Variants in CDYL observed in about 807,000 individuals in gnomAD.
The protein encoded by CDYL is chromodomain Y like.
A neutral mutation model predicts 47.3 loss-of-function variants in CDYL; 8 were observed. The ratio of observed to expected loss-of-function variants is 0.17; its 90% CI spans 0.10 to 0.31. The LOEUF (loss-of-function observed/expected upper bound fraction) is 0.31, where lower values mean the gene tolerates loss of function less well. Among genes scored for constraint, CDYL ranks in the 10% least tolerant of loss-of-function variants. The pLI is 1.00. For synonymous variants in CDYL, 266 were observed against 265.0 expected (o/e 1.00, Z -0.04); for missense variants, 471 against 701.4 (o/e 0.67, Z 3.71).
At chr6:4,737,300 A>G (rs1002796001) in intron 3 of CDYL, among the ~76,000 whole-genome samples, 8 of 152,120 alleles carry the variant, frequency 5.3e-5, no homozygotes, top group African/African-American at 1.9e-4. Context: ...ACACACACAA[A>G]AAAAGATGCA....
At chr6:4,857,351 A>G (rs533240084) in intron 1 of CDYL, among the ~76,000 whole-genome samples, 33 of 152,344 alleles carry the variant, frequency 2.2e-4, no homozygotes, top group Non-Finnish European at 4.4e-4. Context: ...ATTAATAACA[A>G]TGCGTTTTTA....
intron 3 of CDYL, among the ~76,000 whole-genome samples, chr6:4,770,605 G>C (rs998399637): frequency 2.0e-5 from 3 of 152,098 alleles, no homozygotes; most frequent in African/African-American, 7.2e-5. Flanking sequence ...GTCTGTTAGG[G>C]ATATTCTTTG....
intron 1 of CDYL, among the ~76,000 whole-genome samples, chr6:4,832,591 A>C (rs1760179017): frequency 6.6e-6 from 1 of 150,852 alleles, no homozygotes; most frequent in Non-Finnish European, 1.5e-5. Context: ...CTGGCCTCAT[A>C]AAATGAGTTA....
intron 2 of CDYL, among the ~76,000 whole-genome samples, chr6:4,896,169 G>C (rs942687630): frequency 6.6e-6 from 1 of 152,164 alleles, no homozygotes; most frequent in African/African-American, 2.4e-5. Flanking sequence ...CATCCCCTGC[G>C]GCCTTGATCT....
chr6:4,836,407 T>C (rs1760307987), intron 1 of CDYL: 1 of 311,608 alleles, frequency 3.2e-6, no homozygotes, highest in African/African-American at 2.3e-5. Flanking sequence ...TCTGTTTGCT[T>C]CAGTTTACTT....
At chr6:4,847,547 A>G (rs927055463) in intron 1 of CDYL, among the ~76,000 whole-genome samples, 1 of 152,218 alleles carries the variant, frequency 6.6e-6, no homozygotes, top group African/African-American at 2.4e-5. Context: ...TGATGGTATA[A>G]GATTCAAGTT....
Position 4,938,717 on chromosome 6 carries a change from ATAGTATCAATT to A in CDYL, c.1121+985_1121+995del, listed in dbSNP as rs146564450. ...ATTTTTATTTCATATATACACACAA[ATAGTATCAATT>A]TAGTTCTGTTGTTGCTTTGCAACTT... On this transcript the variant is annotated intron_variant, in intron 4 of 6. Transcript: ENST00000397588. Among the ~76,000 whole-genome samples the A allele has an allele frequency of 3.6e-3, 546 of 152,346 alleles. 7 individuals are homozygous for A. Among genetic ancestry groups the A allele is most frequent in the African/African-American group, 0.011 (462 of 41,582 alleles).
intron 1 of CDYL, among the ~76,000 whole-genome samples, chr6:4,790,107 T>G (rs1261794226): frequency 6.6e-6 from 1 of 152,236 alleles, no homozygotes; most frequent in Non-Finnish European, 1.5e-5. Flanking sequence ...ATAGGAAGAT[T>G]TGCTGTTCTC....
chr6:4,847,568 C>T (rs141594028), intron 1 of CDYL, among the ~76,000 whole-genome samples: 3 of 152,128 alleles, frequency 2.0e-5, no homozygotes, highest in African/African-American at 7.2e-5. Flanking sequence ...AACAGTCTTT[C>T]CATTGTTTCT....
At chr6:4,887,719 A>C (rs1047581523) in intron 1 of CDYL, among the ~76,000 whole-genome samples, 2 of 152,154 alleles carry the variant, frequency 1.3e-5, no homozygotes, top group East Asian at 3.8e-4. Flanking sequence ...CTAGAACTCC[A>C]ATACAATGTT....
At chr6:4,843,115 GCTA>G (rs1161137625) in intron 1 of CDYL, among the ~76,000 whole-genome samples, 1 of 152,112 alleles carries the variant, frequency 6.6e-6, no homozygotes, top group Non-Finnish European at 1.5e-5. Flanking sequence ...GTTTAAGGAG[GCTA>G]AGGATAGCCC....
intron 3 of CDYL, among the ~76,000 whole-genome samples, chr6:4,756,084 T>G (rs145589653): frequency 6.6e-6 from 1 of 152,178 alleles, no homozygotes; most frequent in African/African-American, 2.4e-5. Context: ...GTTCACACAC[T>G]TACCCATTAA....
At chr6:4,716,092 C>CA (rs71647224) in intron 2 of CDYL, among the ~76,000 whole-genome samples, 2 of 151,630 alleles carry the variant, frequency 1.3e-5, no homozygotes, top group East Asian at 1.9e-4. Flanking sequence ...ACTAAAAATA[C>CA]AAAAAAATTA....
chr6:4,877,914 TG>T (rs1761662670), intron 1 of CDYL, among the ~76,000 whole-genome samples: 2 of 152,198 alleles, frequency 1.3e-5, no homozygotes, highest in South Asian at 4.1e-4. Flanking sequence ...TAGATGCATT[TG>T]GGGGAAATTT....
chr6:4,758,307 C>G (rs1758106738), intron 3 of CDYL, among the ~76,000 whole-genome samples: 1 of 148,142 alleles, frequency 6.8e-6, no homozygotes. Flanking sequence ...CCACTGCACT[C>G]CAGCGTGGGT....
intron 1 of CDYL, among the ~76,000 whole-genome samples, chr6:4,869,023 C>G (rs1303071738): frequency 6.6e-6 from 1 of 151,684 alleles, no homozygotes; most frequent in Non-Finnish European, 1.5e-5. Flanking sequence ...CAAGTTCTGT[C>G]TTAGAATCTA....
intron 2 of CDYL, among the ~76,000 whole-genome samples, chr6:4,922,176 G>A (rs191137027): frequency 2.0e-5 from 3 of 152,226 alleles, no homozygotes; most frequent in Non-Finnish European, 2.9e-5. Context: ...ATTATGGCTT[G>A]GGGGTTGGGT....
upstream of CDYL, among the ~76,000 whole-genome samples, chr6:4,775,677 G>A (rs1366684795): frequency 6.7e-6 from 1 of 149,194 alleles, no homozygotes; most frequent in African/African-American, 2.4e-5. The surrounding 1 kb of genome is among the most constrained non-coding windows in gnomAD (Gnocchi z 7.0). Flanking sequence ...TCCCACCCCC[G>A]GCCTGCCGCG....
At chr6:4,789,416 C>T (rs1383580413) in intron 1 of CDYL, among the ~76,000 whole-genome samples, 1 of 152,140 alleles carries the variant, frequency 6.6e-6, no homozygotes, top group Non-Finnish European at 1.5e-5. Flanking sequence ...AGTGGTGTCT[C>T]TGGGCACGGT....
Sources: allele counts gnomAD v4.1 joint callset (sites outside exome capture counted in the v4.1 genomes callset), GRCh38; gene constraint gnomAD v4.1.1; non-coding constraint Gnocchi (gnomAD v3.1); transcripts MANE v1.5; gene names NCBI Gene and HGNC (gene_info 2026-07-23, HGNC 2026-07-21).